The following CCDC7 variants were observed in gnomAD, a reference collection of about 807,000 sequenced individuals.
The protein encoded by CCDC7 is coiled-coil domain containing 7, also known as coiled-coil domain-containing protein 7.
CCDC7 carries 183 observed loss-of-function variants against 196.9 expected under a neutral mutation model. The ratio of observed to expected loss-of-function variants is 0.93; its 90% CI spans 0.82 to 1.05. CCDC7 has a LOEUF of 1.05. CCDC7 is among the 50% of genes least tolerant of loss of function. The pLI is 0.00. For synonymous variants in CCDC7, 525 were observed against 484.6 expected (o/e 1.08, Z -1.10); for missense variants, 1,540 against 1,482.2 (o/e 1.04, Z -0.64).
chr10:32,843,966 A>G (rs1204068708), intron 33 of CCDC7, among the ~76,000 whole-genome samples: 1 of 151,964 alleles, frequency 6.6e-6, no homozygotes, highest in African/African-American at 2.4e-5. Flanking sequence ...TTCAAATGTT[A>G]CACTGTAATA....
intron 28 of CCDC7, among the ~76,000 whole-genome samples, chr10:32,765,393 G>A (rs1315068230): frequency 6.6e-6 from 1 of 151,970 alleles, no homozygotes; most frequent in Non-Finnish European, 1.5e-5. Context: ...CTTTAGCACA[G>A]ATCTGTCTCA....
intron 11 of CCDC7, among the ~76,000 whole-genome samples, chr10:32,524,071 CTT>C (rs35310138): frequency 3.1e-4 from 42 of 136,800 alleles, no homozygotes; most frequent in Admixed American, 5.0e-4. Flanking sequence ...TTCCTTCTGT[CTT>C]TTTTTTTTTT....
intron 18 of CCDC7, among the ~76,000 whole-genome samples, chr10:32,612,382 C>T (rs2062253943): frequency 6.6e-6 from 1 of 152,124 alleles, no homozygotes; most frequent in Non-Finnish European, 1.5e-5. Flanking sequence ...AATTTGACTT[C>T]CTCTCATCCT....
intron 28 of CCDC7, among the ~76,000 whole-genome samples, chr10:32,730,689 A>G (rs1268093067): frequency 2.0e-5 from 3 of 152,004 alleles, no homozygotes; most frequent in African/African-American, 4.8e-5. Context: ...TATCATTAAC[A>G]TATAGTAATT....
chr10:32,463,122 A>T lies in CCDC7; in HGVS notation c.510+73A>T, dbSNP rs2036079601. On this transcript the variant is annotated intron_variant, in intron 5 of 41. Transcript: ENST00000639629. ...TTGAAAAGCAATTTGGATTATGTAT[A>T]AGTTAAGTATGTATAAGTCATTTTT... The T allele has an allele frequency of 1.9e-6, 3 of 1,570,446 alleles. No individual in the cohort carries two copies. In the Admixed American group the frequency reaches 5.2e-5, roughly 27 times the overall value.
intron 18 of CCDC7, among the ~76,000 whole-genome samples, chr10:32,612,445 C>T (rs1402636541): frequency 6.6e-6 from 1 of 152,104 alleles, no homozygotes; most frequent in Non-Finnish European, 1.5e-5. Context: ...GCCAGAACTT[C>T]CAATATTATG....
chr10:32,565,418 A>G, intron 13 of CCDC7, 140 bp from the exon 15 acceptor site: 1 of 731,856 alleles, frequency 1.4e-6, no homozygotes, highest in Non-Finnish European at 2.1e-6. Context: ...CCACCATTAC[A>G]CTTGAGAGAT....
intron 18 of CCDC7, among the ~76,000 whole-genome samples, chr10:32,593,133 C>T (rs2059951186): frequency 6.6e-6 from 1 of 152,216 alleles, no homozygotes; most frequent in African/African-American, 2.4e-5. Context: ...CACTGTCTTT[C>T]ACAATGCTTG....
chr10:32,849,701 CAAAAA>C (rs34677799), intron 39 of CCDC7, among the ~76,000 whole-genome samples: 3 of 80,818 alleles, frequency 3.7e-5, no homozygotes, highest in Non-Finnish European at 4.6e-5. Context: ...GACTCCGTCT[CAAAAA>C]AAAAAAAAAA....
intron 21 of CCDC7, among the ~76,000 whole-genome samples, chr10:32,677,890 T>C (rs1442867935): frequency 6.6e-6 from 1 of 152,144 alleles, no homozygotes; most frequent in Non-Finnish European, 1.5e-5. Flanking sequence ...TTCTTCACTC[T>C]TTTTCATTAT....
At chr10:32,568,728 A>C (rs1194861392) in intron 15 of CCDC7, among the ~76,000 whole-genome samples, 1 of 152,200 alleles carries the variant, frequency 6.6e-6, no homozygotes, top group African/African-American at 2.4e-5. Context: ...TAGTTATTTT[A>C]TATCTGTGTA....
chr10:32,689,222 ATT>A, intron 23 of CCDC7, 59 bp downstream of exon 24: 2 of 1,158,304 alleles, frequency 1.7e-6, no homozygotes, highest in Non-Finnish European at 2.4e-6. Flanking sequence ...ATCCGAAGGT[ATT>A]TTTGCTTTGA....
At chr10:32,880,672 T>C (rs2094758962), downstream of CCDC7, among the ~76,000 whole-genome samples, 2 of 152,352 alleles carry the variant, frequency 1.3e-5, no homozygotes, top group East Asian at 1.9e-4. Flanking sequence ...TTGTATAGTT[T>C]TGGGTTTTAC....
intron 41 of CCDC7, among the ~76,000 whole-genome samples, chr10:32,869,683 T>C (rs1337754597): frequency 1.3e-5 from 2 of 152,152 alleles, no homozygotes; most frequent in Admixed American, 6.5e-5. Flanking sequence ...CCTTCTAGGG[T>C]TTTTATGGGT....
intron 11 of CCDC7, among the ~76,000 whole-genome samples, chr10:32,523,526 G>T (rs1393567966): frequency 6.7e-6 from 1 of 150,000 alleles, no homozygotes. Context: ...ACCAGCCTGG[G>T]TGACAGAGCA....
intron 18 of CCDC7, among the ~76,000 whole-genome samples, chr10:32,624,598 G>T (rs149303054): frequency 1.6e-3 from 250 of 152,184 alleles, no homozygotes; most frequent in African/African-American, 5.7e-3. Flanking sequence ...AGAGTCAGTG[G>T]ACAAGTTTCT....
intron 18 of CCDC7, among the ~76,000 whole-genome samples, chr10:32,609,551 T>G (rs1045023598): frequency 2.2e-4 from 33 of 149,048 alleles, no homozygotes; most frequent in African/African-American, 6.6e-4. Flanking sequence ...CTATAGCTTT[T>G]AAGTGGGGAA....
At chr10:32,603,161 CT>C (rs35440134) in intron 18 of CCDC7, among the ~76,000 whole-genome samples, 11,657 of 145,562 alleles carry the variant, frequency 0.08, 502 homozygotes, top group East Asian at 0.16. Flanking sequence ...ATGAAATTCA[CT>C]TTTTTTTTTT....
chr10:32,583,082 C>A, exon 17 of CCDC7: 3 of 1,231,284 alleles, frequency 2.4e-6, no homozygotes, highest in Non-Finnish European at 3.0e-6. Flanking sequence ...TTTCACAGAT[C>A]CTTAAGTCTC....
Sources: gnomAD v4.1 joint callset for allele counts (sites outside exome capture counted in the v4.1 genomes callset) on GRCh38, gnomAD v4.1.1 for gene constraint, MANE v1.5 for transcripts, NCBI Gene and HGNC (gene_info 2026-07-23, HGNC 2026-07-21) for gene names.